Variants in EPC1 observed in about 807,000 individuals in gnomAD.
The protein encoded by EPC1 is enhancer of polycomb 1, also known as enhancer of polycomb homolog 1.
EPC1 carries 12 observed loss-of-function variants against 98.4 expected under a neutral mutation model. The observed-to-expected ratio is 0.12, with a 90% CI of 0.08 to 0.20. The LOEUF is 0.20. EPC1 is among the 10% of genes least tolerant of loss of function. The pLI is 1.00. For missense variants in EPC1, 729 were observed against 990.5 expected (o/e 0.74, Z 3.54); for synonymous variants, 357 against 363.9 (o/e 0.98, Z 0.21).
chr10:32,365,819 CAAAAAAAAAAAAAAA>C (rs55769539), intron 1 of EPC1, among the ~76,000 whole-genome samples: 3 of 38,428 alleles, frequency 7.8e-5, no homozygotes, highest in African/African-American at 4.1e-4. Context: ...CTCCGTCTCA[CAAAAAAAAAAAAAAA>C]AAAAAAAAAA....
intron 1 of EPC1, among the ~76,000 whole-genome samples, chr10:32,306,235 G>A (rs1229806646): frequency 2.0e-5 from 3 of 152,210 alleles, no homozygotes; most frequent in Admixed American, 6.5e-5. Flanking sequence ...CGGATGAGAC[G>A]TGGAGAAGGA....
intron 2 of EPC1, among the ~76,000 whole-genome samples, chr10:32,302,975 A>G (rs1162260532): frequency 1.3e-5 from 2 of 152,092 alleles, no homozygotes; most frequent in Admixed American, 1.3e-4. Flanking sequence ...GAACCCTGCA[A>G]CTACACTCAT....
intron 1 of EPC1, among the ~76,000 whole-genome samples, chr10:32,362,459 G>A (rs776831341): frequency 2.0e-5 from 3 of 151,958 alleles, no homozygotes; most frequent in Non-Finnish European, 2.9e-5. Context: ...GCACCTCCCC[G>A]CTCCCTGTCT....
intron 5 of EPC1, 78 bp downstream of exon 5, chr10:32,292,418 C>A: frequency 9.7e-7 from 1 of 1,031,928 alleles, no homozygotes; most frequent in Non-Finnish European, 1.4e-6. Flanking sequence ...TAGATTATTG[C>A]ATAGGAAATA....
At chr10:32,363,802 T>G (rs1204532625) in intron 1 of EPC1, among the ~76,000 whole-genome samples, 1 of 152,134 alleles carries the variant, frequency 6.6e-6, no homozygotes, top group Non-Finnish European at 1.5e-5. Flanking sequence ...CCGATAACTG[T>G]GCTTTTCCAA....
At chr10:32,321,538 G>T (rs1041665556) in intron 1 of EPC1, among the ~76,000 whole-genome samples, 22 of 151,924 alleles carry the variant, frequency 1.4e-4, no homozygotes, top group Admixed American at 1.3e-3. Flanking sequence ...AATTTTTGAG[G>T]TTCAGCAGAC....
chr10:32,323,801 C>T (rs888637295), intron 1 of EPC1, among the ~76,000 whole-genome samples: 12 of 152,154 alleles, frequency 7.9e-5, no homozygotes, highest in Admixed American at 2.0e-4. Context: ...TGATAAAGCA[C>T]AGAAAATGCC....
rs951917459 is a variant in EPC1, at chr10:32,346,537, G to C, written c.153+226C>G. 65 of 550,436 alleles carry C rather than the reference G, an allele frequency of 1.2e-4. No homozygotes were observed. In the East Asian group the frequency reaches 1.9e-3, roughly 16 times the overall value. The allele number at this position is 550,436 out of a possible 1,614,324, so 34.1% of individuals were successfully genotyped here. On this transcript the variant is annotated intron_variant, in intron 1 of 13. Transcript: ENST00000319778. Reference sequence around the variant, plus strand: ...GGCCCCCGAACTCCGCGGGACCCGGGTACAAGTGGCCAGGGTCAGCGGGTG... The same window carrying C: ...GGCCCCCGAACTCCGCGGGACCCGGCTACAAGTGGCCAGGGTCAGCGGGTG...
Position 32,269,054 on chromosome 10 carries a change from C to A in EPC1, c.*9G>T. 11 of 1,612,336 alleles carry A rather than the reference C, an allele frequency of 6.8e-6. No homozygotes were observed. The highest frequency in any genetic ancestry group is 9.3e-6 in the Non-Finnish European group (11 of 1,178,642). ...CAAGTCCCCAGGCTGCAGTTCCACTCGGAGGAAGCTACGTCACCTCCATCG... is the reference window on the plus strand; with the variant it reads ...CAAGTCCCCAGGCTGCAGTTCCACTAGGAGGAAGCTACGTCACCTCCATCG... On this transcript the variant is annotated 3_prime_UTR_variant, in exon 14 of 14. Transcript: ENST00000319778.
At chr10:32,277,199 C>T (rs1190265261) in intron 10 of EPC1, among the ~76,000 whole-genome samples, 1 of 152,150 alleles carries the variant, frequency 6.6e-6, no homozygotes, top group African/African-American at 2.4e-5. Flanking sequence ...ACACATAGAG[C>T]ACCTGACAAA....
chr10:32,323,233 C>T (rs1311517142), intron 1 of EPC1, among the ~76,000 whole-genome samples: 1 of 152,022 alleles, frequency 6.6e-6, no homozygotes, highest in Admixed American at 6.5e-5. Flanking sequence ...CACCGAGTCC[C>T]TAAGTTTCGC....
At chr10:32,347,917 A>G (rs1056175038), upstream of EPC1, among the ~76,000 whole-genome samples, 1 of 152,224 alleles carries the variant, frequency 6.6e-6, no homozygotes, top group Non-Finnish European at 1.5e-5. Context: ...AGATTTTTTT[A>G]AATCCTGCAT....
At chr10:32,272,341 A>G in intron 11 of EPC1, 174 bp from the exon 12 acceptor site, 1 of 542,422 alleles carries the variant, frequency 1.8e-6, no homozygotes, top group East Asian at 3.0e-5. Context: ...TTTGATAGTC[A>G]TATATTTGAT....
chr10:32,330,818 T>A (rs899733042), intron 1 of EPC1, among the ~76,000 whole-genome samples: 3 of 152,010 alleles, frequency 2.0e-5, no homozygotes, highest in Non-Finnish European at 4.4e-5. Context: ...ACTGAGAAAT[T>A]TTATGGGAAA....
chr10:32,332,896 A>G (rs1377772155), intron 1 of EPC1, among the ~76,000 whole-genome samples: 1 of 152,024 alleles, frequency 6.6e-6, no homozygotes, highest in African/African-American at 2.4e-5. Context: ...AGTTTAGTTA[A>G]GAAGCTGTTT....
At chr10:32,367,256 G>T (rs1015716776) in intron 1 of EPC1, among the ~76,000 whole-genome samples, 1 of 152,182 alleles carries the variant, frequency 6.6e-6, no homozygotes, top group Non-Finnish European at 1.5e-5. Flanking sequence ...CTCCCAAAGT[G>T]CTGGGATTAC....
chr10:32,346,557 C>T (rs907812400), intron 1 of EPC1: 4 of 574,606 alleles, frequency 7.0e-6, no homozygotes, highest in Non-Finnish European at 1.2e-5. Flanking sequence ...CCAGGGTCAG[C>T]GGGTGGCCTT....
At chr10:32,336,341 T>G (rs1283392407) in intron 1 of EPC1, among the ~76,000 whole-genome samples, 2 of 152,176 alleles carry the variant, frequency 1.3e-5, no homozygotes, top group Admixed American at 6.5e-5. Context: ...GTGCTGGGAT[T>G]ACAGGTGTGA....
intron 1 of EPC1, among the ~76,000 whole-genome samples, chr10:32,360,387 C>G (rs180840464): frequency 7.9e-5 from 12 of 152,314 alleles, no homozygotes; most frequent in African/African-American, 2.6e-4. Flanking sequence ...CCCAGGGGGT[C>G]AAGGCCTCTT....
Sources: gnomAD v4.1 joint callset for allele counts (sites outside exome capture counted in the v4.1 genomes callset) on GRCh38, gnomAD v4.1.1 for gene constraint, MANE v1.5 for transcripts, NCBI Gene and HGNC (gene_info 2026-07-23, HGNC 2026-07-21) for gene names.